AGPAT5: variants seen among roughly 807,000 people sequenced by gnomAD.
AGPAT5 encodes 1-acylglycerol-3-phosphate O-acyltransferase 5, also known as 1-acyl-sn-glycerol-3-phosphate acyltransferase epsilon.
Under a neutral mutation model 45.6 loss-of-function variants are expected in AGPAT5, and 46 were observed. The observed-to-expected ratio is 1.01, with a 90% confidence interval of 0.80 to 1.29. The LOEUF (loss-of-function observed/expected upper bound fraction) is 1.29, where lower values mean the gene tolerates loss of function less well. Ranked by LOEUF, AGPAT5 falls within the 50% of genes most tolerant of loss-of-function variation. The pLI, the probability that AGPAT5 is intolerant of heterozygous loss-of-function variation, is 0.00. For missense variants in AGPAT5, 673 were observed against 450.7 expected, an observed-to-expected ratio of 1.49 and a Z score of -4.47; for synonymous variants, 272 against 167.0, an observed-to-expected ratio of 1.63 and a Z score of -4.85.
intron 1 of AGPAT5, among the ~76,000 whole-genome samples, chr8:6,713,809 C>T (rs894896685): frequency 1.3e-5 from 2 of 152,134 alleles, no homozygotes; most frequent in South Asian, 2.1e-4. Flanking sequence ...TCAAGTGATC[C>T]GTCCTTGATC....
chr8:6,748,763 C>A (rs1028631638), intron 6 of AGPAT5, among the ~76,000 whole-genome samples: 1 of 152,166 alleles, frequency 6.6e-6, no homozygotes, highest in African/African-American at 2.4e-5. Context: ...CCTCGGCCTC[C>A]CAAATGAGCT....
intron 3 of AGPAT5, 132 bp from the exon 4 acceptor site, chr8:6,732,429 A>C: frequency 1.7e-6 from 1 of 604,738 alleles, no homozygotes; most frequent in Non-Finnish European, 2.7e-6. Flanking sequence ...GTTTGAAGAT[A>C]TTAAATATAG....
At position 6,757,292 on chromosome 8, in the gene AGPAT5, A is replaced by C; in HGVS notation, c.999A>C (p.Ala333=). 2 of 1,614,234 alleles carry C rather than the reference A, an allele frequency of 1.2e-6. No individual in the cohort carries two copies. The highest frequency in any genetic ancestry group is 2.2e-5 in the South Asian group (2 of 91,090). ...TGTTGATCTTAAGTGGTTTGACTGCAGGCATGCTTATGACCGATGCTGGAA... is the reference window on the plus strand; with the variant it reads ...TGTTGATCTTAAGTGGTTTGACTGCCGGCATGCTTATGACCGATGCTGGAA... ...PSMLILSGLT[A]GMLMTDAGRK... Residue 333 remains alanine (A), a synonymous_variant, in exon 8 of 8, where the codon GCA becomes GCC. Coordinates refer to ENST00000285518, the MANE Select transcript of AGPAT5 (RefSeq NM_018361.5).
intron 4 of AGPAT5, among the ~76,000 whole-genome samples, chr8:6,738,838 AT>A (rs150176868): frequency 0.024 from 3,583 of 151,520 alleles, 144 homozygotes; most frequent in African/African-American, 0.082. Flanking sequence ...TAATTTATTG[AT>A]TTTTTTTCTC....
chr8:6,722,668 C>G (rs774325659), intron 1 of AGPAT5, among the ~76,000 whole-genome samples: 3 of 152,162 alleles, frequency 2.0e-5, no homozygotes, highest in Non-Finnish European at 4.4e-5. Context: ...CGAGGTGAAA[C>G]TGGTCCGCAT....
Position 6,747,879 on chromosome 8 carries a change from C to T in AGPAT5, c.745+51C>T, listed in dbSNP as rs1255953485. The T allele has an allele frequency of 5.3e-6, 8 of 1,523,584 alleles. No individual in the cohort carries two copies. The African/African-American group carries it at 8.3e-5, about 16-fold the overall frequency. 94.4% of individuals were successfully genotyped at this position (1,523,584 alleles called of 1,614,324 possible). ...GCCTGTACACGGTATATACAGTGCA[C>T]ATGTTTATGTAGAATTCAGTTTTAC... On this transcript the variant is annotated intron_variant, in intron 6 of 7. Transcript: ENST00000285518.
intron 4 of AGPAT5, among the ~76,000 whole-genome samples, chr8:6,737,548 G>T (rs1446289667): frequency 6.6e-6 from 1 of 152,152 alleles, no homozygotes; most frequent in African/African-American, 2.4e-5. Context: ...TATTGGTTGT[G>T]GATGCAAATG....
chr8:6,712,630 C>G (rs1441740460), intron 1 of AGPAT5, among the ~76,000 whole-genome samples: 1 of 152,090 alleles, frequency 6.6e-6, no homozygotes, highest in Admixed American at 6.6e-5. Flanking sequence ...GGAGTACTGA[C>G]AGAGGATTGG....
chr8:6,757,292 A>G lies in AGPAT5; in HGVS notation c.999A>G (p.Ala333=). Residue 333 remains alanine (A), a synonymous_variant, in exon 8 of 8, where the codon GCA becomes GCG. Transcript: ENST00000285518. The part of the protein sequence containing the change: ...PSMLILSGLT[A]GMLMTDAGRK... ...TGTTGATCTTAAGTGGTTTGACTGC[A>G]GGCATGCTTATGACCGATGCTGGAA... The G allele has an allele frequency of 6.2e-7, 1 of 1,614,234 alleles. No homozygotes were observed. The highest frequency in any genetic ancestry group is 1.1e-5 in the South Asian group (1 of 91,090).
chr8:6,713,030 T>A (rs1037050547), intron 1 of AGPAT5, among the ~76,000 whole-genome samples: 1 of 152,244 alleles, frequency 6.6e-6, no homozygotes, highest in African/African-American at 2.4e-5. Flanking sequence ...TCTTCTTCTG[T>A]CACCCAGGCT....
At chr8:6,742,490 G>A (rs1174735575) in intron 5 of AGPAT5, among the ~76,000 whole-genome samples, 1 of 152,136 alleles carries the variant, frequency 6.6e-6, no homozygotes. Flanking sequence ...TCCATATGTT[G>A]ATAGTCACTC....
chr8:6,733,818 C>T (rs539851007), intron 4 of AGPAT5, among the ~76,000 whole-genome samples: 1 of 152,328 alleles, frequency 6.6e-6, no homozygotes, highest in Admixed American at 6.5e-5. Flanking sequence ...GGAGTTCCTT[C>T]TGTGTCCTGC....
chr8:6,729,888 G>C (rs1382005918), intron 2 of AGPAT5, among the ~76,000 whole-genome samples: 1 of 152,060 alleles, frequency 6.6e-6, no homozygotes, highest in African/African-American at 2.4e-5. Context: ...GGTTACATAA[G>C]GAGCACATAT....
intron 6 of AGPAT5, among the ~76,000 whole-genome samples, chr8:6,748,458 T>A (rs1400525641): frequency 2.0e-5 from 3 of 152,152 alleles, no homozygotes; most frequent in Non-Finnish European, 2.9e-5. Context: ...AATATCTGTT[T>A]GAGCTGGGGT....
chr8:6,761,406 T>A lies in AGPAT5; in HGVS notation c.*4018T>A, dbSNP rs1018074759. Among the ~76,000 whole-genome samples, 3 of 152,236 alleles carry A rather than the reference T, an allele frequency of 2.0e-5. No individual in the cohort carries two copies. Among genetic ancestry groups the A allele is most frequent in the African/African-American group, 7.2e-5 (3 of 41,456 alleles). On this transcript the variant is annotated 3_prime_UTR_variant, in exon 8 of 8. Transcript: ENST00000285518. ...AAGAATACTTGACTAACTCTTTTTG[T>A]CTCTTTATGGTATTTTCAGAATAAA...
intron 5 of AGPAT5, 66 bp from the exon 6 acceptor site, chr8:6,747,604 A>T: frequency 7.2e-7 from 1 of 1,385,796 alleles, no homozygotes; most frequent in Non-Finnish European, 9.9e-7. Context: ...AATAATTTAG[A>T]TGTTAAACAG....
chr8:6,754,345 T>C (rs533949125), intron 6 of AGPAT5, among the ~76,000 whole-genome samples: 1 of 152,336 alleles, frequency 6.6e-6, no homozygotes, highest in Non-Finnish European at 1.5e-5. Context: ...TTGGTTCTTT[T>C]ACCAATTATA....
At chr8:6,715,296 C>G (rs1785434056) in intron 1 of AGPAT5, among the ~76,000 whole-genome samples, 1 of 152,054 alleles carries the variant, frequency 6.6e-6, no homozygotes, top group Admixed American at 6.6e-5. Flanking sequence ...TGTAAAAGGG[C>G]CAGCTTGGAA....
At chr8:6,734,194 T>C (rs138331134) in intron 4 of AGPAT5, among the ~76,000 whole-genome samples, 3 of 152,312 alleles carry the variant, frequency 2.0e-5, no homozygotes, top group Middle Eastern at 3.4e-3. Flanking sequence ...TCTCCAGTTA[T>C]GTTTGTGTTG....
Sources: gnomAD v4.1 joint callset for allele counts (sites outside exome capture counted in the v4.1 genomes callset) on GRCh38, gnomAD v4.1.1 for gene constraint, MANE v1.5 for transcripts, NCBI Gene and HGNC (gene_info 2026-07-23, HGNC 2026-07-21) for gene names.